SLC9A5: variants seen among roughly 807,000 people sequenced by gnomAD.
SLC9A5 encodes the protein solute carrier family 9 member A5, also known as sodium/hydrogen exchanger 5.
A neutral mutation model predicts 91.7 loss-of-function variants in SLC9A5; 52 were observed. That is an observed-to-expected ratio of 0.57 (90% CI 0.45 to 0.71). SLC9A5 has a LOEUF of 0.71. SLC9A5 is among the 30% of genes least tolerant of loss of function. SLC9A5 has a pLI of 0.00. For missense variants in SLC9A5, 871 were observed against 1,158.9 expected, an observed-to-expected ratio of 0.75 and a Z score of 3.61; for synonymous variants, 419 against 474.5, an observed-to-expected ratio of 0.88 and a Z score of 1.52.
At chr16:67,267,649 C>T (rs2035765584) in intron 15 of SLC9A5, among the ~76,000 whole-genome samples, 6 of 152,116 alleles carry the variant, frequency 3.9e-5, no homozygotes, top group Admixed American at 3.9e-4. Context: ...GGCAGCCTGA[C>T]CTGGAGGAGC....
chr16:67,256,979 G>A lies in SLC9A5; in HGVS notation c.1201G>A (p.Val401Met). ...CCCTCTGGACAAGATTGACCAAGTG[G>A]TGATGTCCTATGGGGGCCTGCGGGG... ...LVPLDKIDQV[V>M]MSYGGLRGAV... is the part of the protein sequence containing the mutation. Residue 401 changes from valine to methionine, a missense_variant, in exon 7 of 16, where the codon GTG becomes ATG. Transcript: ENST00000299798. This position sits in a 1 kb window ranked among gnomAD's most constrained non-coding sequence, Gnocchi z 4.1. The A allele has an allele frequency of 1.9e-6, 3 of 1,614,204 alleles. No individual in the cohort carries two copies. Among genetic ancestry groups the A allele is most frequent in the African/African-American group, 1.3e-5 (1 of 75,070 alleles).
Position 67,252,944 on chromosome 16 carries a change from C to T in SLC9A5, c.490+100C>T, listed in dbSNP as rs1357133312. The T allele has an allele frequency of 1.8e-6, 2 of 1,138,764 alleles. No individual in the cohort carries two copies. Among genetic ancestry groups the T allele is most frequent in the Non-Finnish European group, 2.5e-6 (2 of 815,670 alleles). 70.5% of individuals were successfully genotyped at this position (1,138,764 alleles called of 1,614,324 possible). On this transcript the variant is annotated intron_variant, in intron 2 of 15. Coordinates refer to ENST00000299798, the MANE Select transcript of SLC9A5 (RefSeq NM_004594.3). The surrounding 1 kb of genome is among the most constrained non-coding windows in gnomAD (Gnocchi z 4.0). ...GCTGGTGTGAGCCATGCCCTGAAAG[C>T]TCCATCCTAGGTCCCTCCCTCTGGA...
intron 14 of SLC9A5, 70 bp from the exon 15 acceptor site, chr16:67,266,018 T>C (rs543178513): frequency 6.6e-5 from 105 of 1,584,178 alleles, no homozygotes; most frequent in Non-Finnish European, 8.7e-5. Flanking sequence ...GGGAGCTGGC[T>C]TGGGGCTGTG....
rs769147019 is a variant in SLC9A5 at position 67,255,878 on chromosome 16, G to A, written c.859G>A (p.Ala287Thr). ...CGAGCCGCTGCTGGTCTTCCTCCTC[G>A]CCTACGCAGCCTACCTCACTGCTGA... The part of the protein sequence containing the change: ...IIEPLLVFLL[A>T]YAAYLTAEMA... Residue 287 changes from alanine to threonine, a missense_variant, in exon 5 of 16, where the codon GCC becomes ACC. This residue lies in a region of SLC9A5 where 454 missense variants were observed against 718.3 expected (regional missense o/e 0.63). Transcript: ENST00000299798. The surrounding 1 kb of genome is among the most constrained non-coding windows in gnomAD (Gnocchi z 4.9). 4.3e-6 allele frequency: 7 copies of A among 1,613,488 alleles called. No homozygotes were observed. Among genetic ancestry groups the A allele is most frequent in the East Asian group, 2.2e-5 (1 of 44,882 alleles).
intron 15 of SLC9A5, among the ~76,000 whole-genome samples, chr16:67,267,501 G>A (rs967047458): frequency 1.3e-5 from 2 of 152,118 alleles, no homozygotes; most frequent in African/African-American, 2.4e-5. Context: ...GGGATTGCAG[G>A]TGTCAGCCAC....
In SLC9A5 at chr16:67,256,903, C is replaced by T. The variant is rs757768814; in HGVS notation, c.1133-8C>T. The stretch of plus-strand genomic sequence containing the variant: ...GCTTTGCTCCCACTGGCCTCCCTCC[C>T]GCTGTAGGCGTAGTCCTGCAGACCT... On this transcript the variant is annotated splice_region_variant and splice_polypyrimidine_tract_variant and intron_variant, in intron 6 of 15. Coordinates refer to ENST00000299798, the MANE Select transcript of SLC9A5 (RefSeq NM_004594.3). This position sits in a 1 kb window ranked among gnomAD's most constrained non-coding sequence, Gnocchi z 4.1. 6.2e-6 allele frequency: 10 copies of T among 1,612,980 alleles called. No individual in the cohort carries two copies. In the East Asian group the frequency reaches 8.9e-5, roughly 14 times the overall value.
rs1309246335 is a variant in SLC9A5, at chr16:67,268,658, T to TTTTATATA, written c.2219-2079_2219-2078insTTATATAT. 1.3e-3 allele frequency among the ~76,000 whole-genome samples: 54 copies of TTTTATATA among 42,316 alleles called. 2 individuals are homozygous for TTTTATATA. The highest frequency in any genetic ancestry group is 6.0e-3 in the East Asian group (4 of 672). 27.8% of individuals were successfully genotyped at this position (42,316 alleles called of 152,430 possible). On this transcript the variant is annotated intron_variant, in intron 15 of 15. Transcript: ENST00000299798. ...TCAAACATCGTTCAAATTTCCCTGA[T>TTTTATATA]TATATATATATATATATATATATAT...
At chr16:67,265,211 C>A in intron 14 of SLC9A5, 105 bp downstream of exon 14, 1 of 1,025,460 alleles carries the variant, frequency 9.8e-7, no homozygotes, top group Non-Finnish European at 1.5e-6. Context: ...CATTCAGCAC[C>A]GTGACCTGGG....
At chr16:67,264,629 G>A in intron 13 of SLC9A5, 107 bp downstream of exon 13, 1 of 1,105,652 alleles carries the variant, frequency 9.0e-7, no homozygotes, top group Non-Finnish European at 1.3e-6. Flanking sequence ...AGTTGGGACA[G>A]TCCTCAGGGG....
At chr16:67,251,292 G>A (rs991613086) in intron 1 of SLC9A5, among the ~76,000 whole-genome samples, 14 of 151,848 alleles carry the variant, frequency 9.2e-5, no homozygotes, top group Non-Finnish European at 1.5e-5. Context: ...ACAGCTCCTA[G>A]GAGGTATAAT....
intron 14 of SLC9A5, 94 bp downstream of exon 14, chr16:67,265,200 G>C (rs2035660745): frequency 5.9e-6 from 7 of 1,191,190 alleles, no homozygotes; most frequent in Non-Finnish European, 8.7e-6. Context: ...GCTGTAGGGT[G>C]CATTCAGCAC....
intron 1 of SLC9A5, among the ~76,000 whole-genome samples, chr16:67,250,189 G>T (rs1017029508): frequency 6.6e-6 from 1 of 152,182 alleles, no homozygotes; most frequent in East Asian, 1.9e-4. Flanking sequence ...GGGGTGAGGG[G>T]GCTGGGCAGG....
Position 67,271,221 on chromosome 16 carries a change from C to T in SLC9A5, c.*11C>T, listed in dbSNP as rs1305085895. ...GGCAGCCGGCTGTAGCTCAAGGCCT[C>T]GGGGAGGAGCAGGAGGTGGAATCCC... On this transcript the variant is annotated 3_prime_UTR_variant, in exon 16 of 16. Transcript: ENST00000299798. 6.9e-6 allele frequency: 11 copies of T among 1,603,062 alleles called. No homozygotes were observed. Among genetic ancestry groups the T allele is most frequent in the Admixed American group, 1.7e-5 (1 of 59,396 alleles).
intron 11 of SLC9A5, 54 bp downstream of exon 11, chr16:67,259,715 C>T (rs890184678): frequency 1.3e-6 from 2 of 1,593,996 alleles, no homozygotes; most frequent in African/African-American, 1.3e-5. Flanking sequence ...TGTGCCCTCT[C>T]TCTGAGTCCC....
At chr16:67,253,208 C>T (rs139540041) in intron 2 of SLC9A5, among the ~76,000 whole-genome samples, 3 of 152,088 alleles carry the variant, frequency 2.0e-5, no homozygotes, top group African/African-American at 4.8e-5. Flanking sequence ...GCTGTCCTGG[C>T]TCTCCCCAGG....
chr16:67,252,406 T>C lies in SLC9A5; in HGVS notation c.188-136T>C. 2 of 743,650 alleles carry C rather than the reference T, an allele frequency of 2.7e-6. No homozygotes were observed. Among genetic ancestry groups the C allele is most frequent in the South Asian group, 1.8e-5 (1 of 57,084 alleles). 46.1% of individuals were successfully genotyped at this position (743,650 alleles called of 1,614,324 possible). A position where few individuals can be genotyped will look rare whatever the true frequency, so the allele number is the denominator to read the frequency against. On this transcript the variant is annotated intron_variant, in intron 1 of 15. Transcript: ENST00000299798. The surrounding 1 kb of genome is among the most constrained non-coding windows in gnomAD (Gnocchi z 4.0). ...TGAAGGTTGCAGTGAGCTGAGATTG[T>C]GCTACTGCACTCCAGCTTGGGCAAC...
At chr16:67,249,241 G>T (rs2035016489) in intron 1 of SLC9A5, 40 bp downstream of exon 1, 1 of 1,356,502 alleles carries the variant, frequency 7.4e-7, no homozygotes, top group Non-Finnish European at 9.5e-7. Flanking sequence ...ACCGCCAGCG[G>T]CGGACCCGCC....
At chr16:67,262,103 G>T in intron 12 of SLC9A5, 1 of 343,598 alleles carries the variant, frequency 2.9e-6, no homozygotes, top group South Asian at 2.3e-5. Context: ...CCATTGTTTG[G>T]TTCCCATGTC....
intron 14 of SLC9A5, among the ~76,000 whole-genome samples, chr16:67,265,859 T>C (rs1474774270): frequency 6.6e-6 from 1 of 152,194 alleles, no homozygotes; most frequent in African/African-American, 2.4e-5. Flanking sequence ...CATGACTTCC[T>C]CCGGGGACTT....
Sources: gnomAD v4.1 joint callset for allele counts (sites outside exome capture counted in the v4.1 genomes callset) on GRCh38, gnomAD v4.1.1 for gene constraint, gnomAD v4.1.1 regional missense constraint, Gnocchi (gnomAD v3.1) non-coding constraint, MANE v1.5 for transcripts, NCBI Gene and HGNC (gene_info 2026-07-23, HGNC 2026-07-21) for gene names.